Variants in SLC25A13 observed in about 807,000 individuals in gnomAD.
SLC25A13 encodes solute carrier family 25 member 13.
SLC25A13 carries 70 observed loss-of-function variants against 85.5 expected under a neutral mutation model. The ratio of observed to expected loss-of-function variants is 0.82; its 90% confidence interval spans 0.68 to 1.00. The LOEUF is 1.00. Among genes scored for constraint, SLC25A13 ranks in the 50% least tolerant of loss-of-function variants. The pLI, the probability that SLC25A13 is intolerant of heterozygous loss-of-function variation, is 0.00. For synonymous variants in SLC25A13, 259 were observed against 288.7 expected (o/e 0.90, Z 1.04); for missense variants, 765 against 819.8 (o/e 0.93, Z 0.82).
chr7:96,267,490 G>T (rs1004603466), intron 3 of SLC25A13, among the ~76,000 whole-genome samples: 1 of 152,002 alleles, frequency 6.6e-6, no homozygotes, highest in Non-Finnish European at 1.5e-5. Context: ...AACTGTCCCA[G>T]GACTCAATCT....
intron 11 of SLC25A13, among the ~76,000 whole-genome samples, chr7:96,176,802 G>T (rs1466399745): frequency 2.0e-5 from 3 of 152,190 alleles, no homozygotes; most frequent in Non-Finnish European, 2.9e-5. Context: ...ACTCAATATT[G>T]CTGGCCTAAT....
chr7:96,295,985 C>T (rs1032585957), intron 2 of SLC25A13, among the ~76,000 whole-genome samples: 24 of 151,746 alleles, frequency 1.6e-4, no homozygotes, highest in Admixed American at 1.2e-3. Flanking sequence ...AAAGGTGTTT[C>T]GGTGTCTGGA....
At chr7:96,292,085 T>C (rs1460662360) in intron 2 of SLC25A13, among the ~76,000 whole-genome samples, 3 of 152,204 alleles carry the variant, frequency 2.0e-5, no homozygotes, top group African/African-American at 4.8e-5. Context: ...TCCACCATGA[T>C]AAAGTGGGCT....
chr7:96,247,893 A>G (rs2116857116), intron 3 of SLC25A13, among the ~76,000 whole-genome samples: 1 of 151,464 alleles, frequency 6.6e-6, no homozygotes, highest in South Asian at 2.1e-4. Context: ...TATGGTTTAG[A>G]TGTGGCAATA....
intron 2 of SLC25A13, chr7:96,283,818 T>TAAAAAAAAA (rs140026811): frequency 1.1e-5 from 1 of 87,006 alleles, no homozygotes. Flanking sequence ...AAATAGGTGT[T>TAAAAAAAAA]TAAAAAAAAA....
chr7:96,184,127 C>T (rs1794529971), intron 11 of SLC25A13, 150 bp downstream of exon 11: 1 of 937,378 alleles, frequency 1.1e-6, no homozygotes, highest in Non-Finnish European at 1.7e-6. Flanking sequence ...CCCTAGATGC[C>T]TCCAGCCTAC....
At chr7:96,310,299 A>G (rs1231631777) in intron 1 of SLC25A13, among the ~76,000 whole-genome samples, 1 of 152,142 alleles carries the variant, frequency 6.6e-6, no homozygotes, top group African/African-American at 2.4e-5. Context: ...TTCTTCATTC[A>G]TAACACTGAC....
intron 15 of SLC25A13, among the ~76,000 whole-genome samples, chr7:96,128,467 A>C (rs1238412196): frequency 6.6e-6 from 1 of 152,170 alleles, no homozygotes; most frequent in Non-Finnish European, 1.5e-5. Context: ...CACAGTTTTT[A>C]TAGTTTTGTA....
intron 15 of SLC25A13, among the ~76,000 whole-genome samples, chr7:96,123,398 C>T (rs80131287): frequency 6.2e-4 from 95 of 152,258 alleles, no homozygotes; most frequent in African/African-American, 1.9e-3. Flanking sequence ...CAATAAAAGC[C>T]GCCTTGCAAT....
intron 3 of SLC25A13, among the ~76,000 whole-genome samples, chr7:96,236,856 A>G (rs531320669): frequency 2.6e-4 from 39 of 152,322 alleles, no homozygotes; most frequent in African/African-American, 8.7e-4. Context: ...TCTGTTTGCC[A>G]CAAAATTGGC....
intron 4 of SLC25A13, among the ~76,000 whole-genome samples, chr7:96,232,246 T>C (rs1796565386): frequency 6.6e-6 from 1 of 151,976 alleles, no homozygotes; most frequent in African/African-American, 2.4e-5. Context: ...TGGAATACTA[T>C]GCAGTCATTA....
At chr7:96,162,913 T>C (rs1793567710) in intron 13 of SLC25A13, among the ~76,000 whole-genome samples, 1 of 152,144 alleles carries the variant, frequency 6.6e-6, no homozygotes, top group African/African-American at 2.4e-5. Context: ...ACTCCAACTT[T>C]GGTGAGTTTC....
intron 2 of SLC25A13, among the ~76,000 whole-genome samples, chr7:96,279,171 T>C (rs1426014562): frequency 1.3e-5 from 2 of 152,172 alleles, no homozygotes; most frequent in African/African-American, 4.8e-5. Flanking sequence ...TTGTACCAAT[T>C]TACACTCCCA....
chr7:96,202,623 A>G (rs1025980770), intron 5 of SLC25A13, among the ~76,000 whole-genome samples: 1 of 152,208 alleles, frequency 6.6e-6, no homozygotes, highest in Non-Finnish European at 1.5e-5. Flanking sequence ...TCCTGGCGAC[A>G]TAAAGTGCAG....
At chr7:96,175,638 G>A (rs951264204) in intron 11 of SLC25A13, among the ~76,000 whole-genome samples, 1 of 152,198 alleles carries the variant, frequency 6.6e-6, no homozygotes, top group Non-Finnish European at 1.5e-5. Flanking sequence ...CTGGTACGCT[G>A]CACAACTTCT....
At chr7:96,229,073 A>G (rs193133181) in intron 4 of SLC25A13, among the ~76,000 whole-genome samples, 119 of 152,260 alleles carry the variant, frequency 7.8e-4, no homozygotes, top group Non-Finnish European at 1.2e-3. Context: ...CCCACCGACC[A>G]CCCAAGGGCT....
chr7:96,145,007 G>T (rs968893177), intron 14 of SLC25A13, among the ~76,000 whole-genome samples: 2 of 152,126 alleles, frequency 1.3e-5, no homozygotes, highest in African/African-American at 4.8e-5. Context: ...TAGAAAAGAT[G>T]ATTTTTCTTC....
chr7:96,135,253 C>T (rs1418329809), intron 14 of SLC25A13, among the ~76,000 whole-genome samples: 1 of 152,170 alleles, frequency 6.6e-6, no homozygotes, highest in African/African-American at 2.4e-5. Flanking sequence ...CCCTGCCTCT[C>T]CTAGCACCTT....
intron 1 of SLC25A13, among the ~76,000 whole-genome samples, chr7:96,315,863 G>A (rs1800108273): frequency 1.3e-5 from 2 of 151,992 alleles, no homozygotes; most frequent in African/African-American, 4.8e-5. Context: ...AACCTCTGAA[G>A]AGGGTTTTAT....
Sources: allele counts gnomAD v4.1 joint callset (sites outside exome capture counted in the v4.1 genomes callset), GRCh38; gene constraint gnomAD v4.1.1; transcripts MANE v1.5; gene names NCBI Gene and HGNC (gene_info 2026-07-23, HGNC 2026-07-21).